ST7: variants seen among roughly 807,000 people sequenced by gnomAD.
ST7 encodes suppressor of tumorigenicity 7 protein.
A neutral mutation model predicts 78.7 loss-of-function variants in ST7; 28 were observed. That is an observed-to-expected ratio of 0.36 (90% CI 0.26 to 0.49). The LOEUF is 0.49. Ranked by LOEUF, ST7 falls within the 20% of genes least tolerant of loss-of-function variation. ST7 has a pLI of 0.99. For synonymous variants in ST7, 247 were observed against 249.6 expected (o/e 0.99, Z 0.10); for missense variants, 418 against 696.0 (o/e 0.60, Z 4.49).
At chr7:117,099,616 A>G in intron 1 of ST7, 146 bp from the exon 2 acceptor site, 1 of 598,216 alleles carries the variant, frequency 1.7e-6, no homozygotes, top group Non-Finnish European at 2.9e-6. Flanking sequence ...ATGGTGAATC[A>G]TTTTAATGGG....
chr7:117,017,824 G>A (rs963804735), intron 1 of ST7, among the ~76,000 whole-genome samples: 2 of 152,120 alleles, frequency 1.3e-5, no homozygotes, highest in Non-Finnish European at 2.9e-5. Context: ...GGATCCAAAC[G>A]TTCTAAAGTG....
At chr7:117,164,415 A>G (rs1209453878) in intron 9 of ST7, among the ~76,000 whole-genome samples, 3 of 152,190 alleles carry the variant, frequency 2.0e-5, no homozygotes, top group Non-Finnish European at 2.9e-5. Context: ...TGTGATAGAA[A>G]CAATGGAAAA....
intron 1 of ST7, among the ~76,000 whole-genome samples, chr7:117,076,150 C>T (rs1799321806): frequency 6.6e-6 from 1 of 152,246 alleles, no homozygotes; most frequent in South Asian, 2.1e-4. Flanking sequence ...AGCCTTCTTC[C>T]TTGGCAATAC....
At chr7:117,179,431 C>G (rs2117315296) in intron 10 of ST7, among the ~76,000 whole-genome samples, 1 of 152,296 alleles carries the variant, frequency 6.6e-6, no homozygotes, top group African/African-American at 2.4e-5. Flanking sequence ...AGAGAACAGG[C>G]AATTGCTGTT....
chr7:117,190,957 C>T lies in ST7; in HGVS notation c.1254+21C>T. On this transcript the variant is annotated intron_variant, in intron 12 of 15. Coordinates refer to ENST00000323984, the MANE Select transcript of ST7 (RefSeq NM_001369598.1). The surrounding 1 kb of genome is among the most constrained non-coding windows in gnomAD (Gnocchi z 5.2). ...CAAAAGTGAGTCTGTGGAATCCCCA[C>T]AGGAACTCGTTATGATAGCAGAGAA... is the stretch of plus-strand genomic sequence containing the variant. 1 of 1,575,740 alleles carries T rather than the reference C, an allele frequency of 6.3e-7. No homozygotes were observed. Among genetic ancestry groups the T allele is most frequent in the Non-Finnish European group, 8.7e-7 (1 of 1,145,044 alleles).
chr7:117,135,640 A>T (rs1397212033), intron 7 of ST7, among the ~76,000 whole-genome samples: 1 of 152,068 alleles, frequency 6.6e-6, no homozygotes, highest in African/African-American at 2.4e-5. Flanking sequence ...GTTGGAAGGA[A>T]CTATTTAATA....
At chr7:117,032,623 A>G (rs944217200) in intron 1 of ST7, among the ~76,000 whole-genome samples, 11 of 152,342 alleles carry the variant, frequency 7.2e-5, no homozygotes, top group East Asian at 1.9e-4. Flanking sequence ...ATTATTTGGC[A>G]TTACTTGCAG....
At chr7:117,117,986 A>C (rs1436284299) in intron 2 of ST7, 1 of 152,174 alleles carries the variant, frequency 6.6e-6, no homozygotes, top group Non-Finnish European at 1.5e-5. Flanking sequence ...TCCCATTCCT[A>C]GTCATTCCAA....
At chr7:116,963,460 T>G (rs1792936300) in intron 1 of ST7, among the ~76,000 whole-genome samples, 1 of 152,212 alleles carries the variant, frequency 6.6e-6, no homozygotes, top group African/African-American at 2.4e-5. Context: ...GCTGTAGCAG[T>G]ATTTTATGTT....
chr7:117,071,112 G>C (rs983200683), intron 1 of ST7, among the ~76,000 whole-genome samples: 2 of 151,834 alleles, frequency 1.3e-5, no homozygotes, highest in Non-Finnish European at 2.9e-5. Context: ...CCAGCTACTC[G>C]GGAGGCTGAG....
intron 1 of ST7, chr7:117,073,118 T>G (rs916336304): frequency 1.3e-5 from 2 of 152,118 alleles, no homozygotes; most frequent in Admixed American, 1.3e-4. Context: ...ACAGGGGGTA[T>G]TAAGTAGTTA....
intron 1 of ST7, among the ~76,000 whole-genome samples, chr7:117,061,070 C>T (rs942792520): frequency 2.0e-5 from 3 of 152,024 alleles, no homozygotes; most frequent in Non-Finnish European, 2.9e-5. Flanking sequence ...CAATTCCTGC[C>T]CTTTTAAAGA....
In ST7 at chr7:117,215,326, G is replaced by A. The variant is rs576462021; in HGVS notation, c.1406-3758G>A. 1.7e-3 allele frequency among the ~76,000 whole-genome samples: 252 copies of A among 152,200 alleles called. 1 individual carries two copies. The highest frequency in any genetic ancestry group is 5.8e-3 in the African/African-American group (240 of 41,532). On this transcript the variant is annotated intron_variant, in intron 13 of 15. Coordinates refer to ENST00000323984, the MANE Select transcript of ST7 (RefSeq NM_001369598.1). ...AATAAGGACATGAAATTTGCGATTT[G>A]GTGATAATTTCCTGTTCTATCACTT...
Position 117,112,108 on chromosome 7 carries a change from G to GTA in ST7, c.235-7440_235-7439dup, listed in dbSNP as rs760023790. Among the ~76,000 whole-genome samples, 139 of 149,130 alleles carry GTA rather than the reference G, an allele frequency of 9.3e-4. No homozygotes were observed. The East Asian group carries it at 9.7e-3, about 10-fold the overall frequency. ...CATATATATGCATGTGTGTGTGTGTGTATATATATATATAACAGAGGTATT... is the reference window on the plus strand; with the variant it reads ...CATATATATGCATGTGTGTGTGTGTGTATATATATATATATAACAGAGGTATT... On this transcript the variant is annotated intron_variant, in intron 2 of 15. Coordinates refer to ENST00000323984, the MANE Select transcript of ST7 (RefSeq NM_001369598.1).
chr7:117,156,486 G>A (rs1033666554), intron 9 of ST7, among the ~76,000 whole-genome samples: 1 of 152,186 alleles, frequency 6.6e-6, no homozygotes, highest in African/African-American at 2.4e-5. Context: ...GGTAGGTATT[G>A]CAGGAAGGAA....
intron 13 of ST7, among the ~76,000 whole-genome samples, chr7:117,213,132 T>A (rs911716425): frequency 1.4e-4 from 21 of 152,356 alleles, no homozygotes; most frequent in Admixed American, 1.2e-3. Flanking sequence ...TCAGGTCCGC[T>A]GGCCATGCAT....
intron 1 of ST7, among the ~76,000 whole-genome samples, chr7:117,037,985 A>G (rs1287744703): frequency 6.6e-6 from 1 of 152,202 alleles, no homozygotes; most frequent in African/African-American, 2.4e-5. Flanking sequence ...TTTTATTGCT[A>G]TAGCCTTAAC....
At chr7:117,027,368 A>T (rs2116108224) in intron 1 of ST7, among the ~76,000 whole-genome samples, 1 of 152,018 alleles carries the variant, frequency 6.6e-6, no homozygotes, top group East Asian at 1.9e-4. Flanking sequence ...TGAACCCAGG[A>T]GGCAGAAGTT....
At chr7:117,166,210 GT>G (rs1807543687) in intron 9 of ST7, among the ~76,000 whole-genome samples, 1 of 152,054 alleles carries the variant, frequency 6.6e-6, no homozygotes, top group African/African-American at 2.4e-5. Flanking sequence ...TAATTTTAGT[GT>G]ATTTCTAACC....
Sources: gnomAD v4.1 joint callset for allele counts (sites outside exome capture counted in the v4.1 genomes callset) on GRCh38, gnomAD v4.1.1 for gene constraint, Gnocchi (gnomAD v3.1) non-coding constraint, MANE v1.5 for transcripts, NCBI Gene and HGNC (gene_info 2026-07-23, HGNC 2026-07-21) for gene names.